SEL1L3: variants seen among roughly 807,000 people sequenced by gnomAD.
SEL1L3 encodes protein sel-1 homolog 3.
SEL1L3 carries 76 observed loss-of-function variants against 142.8 expected under a neutral mutation model. That is an observed-to-expected ratio of 0.53 (90% CI 0.44 to 0.64). The LOEUF (loss-of-function observed/expected upper bound fraction) is 0.64, where lower values mean the gene tolerates loss of function less well. Among genes scored for constraint, SEL1L3 ranks in the 30% least tolerant of loss-of-function variants. The pLI is 0.00. For missense variants in SEL1L3, 1,262 were observed against 1,381.7 expected (o/e 0.91, Z 1.37); for synonymous variants, 504 against 519.6 (o/e 0.97, Z 0.41).
intron 17 of SEL1L3, among the ~76,000 whole-genome samples, chr4:25,769,693 C>A (rs565292306): frequency 2.0e-5 from 3 of 152,316 alleles, no homozygotes; most frequent in Non-Finnish European, 2.9e-5. Flanking sequence ...CTGGCCTGCA[C>A]TGGTGTCTCA....
In SEL1L3 at chr4:25,788,338, C is replaced by T; in HGVS notation, c.2103G>A (p.Trp701Ter). ...GATTCTTGGCCACACCTTGCTGCCC[C>T]CAGAACAGCATCTGGGCCAATCGTT... ...AQQRLAQMLF[W>*]GQQGVAKNPE... Residue 701 changes from tryptophan to a stop codon, truncating the protein, a stop_gained, in exon 13 of 24, where the codon TGG becomes TGA. Coordinates refer to ENST00000399878, the MANE Select transcript of SEL1L3 (RefSeq NM_015187.5). LOFTEE classifies it high-confidence loss of function. This position sits in a 1 kb window ranked among gnomAD's most constrained non-coding sequence, Gnocchi z 5.3. The T allele has an allele frequency of 6.2e-7, 1 of 1,613,908 alleles. No individual in the cohort carries two copies. Among genetic ancestry groups the T allele is most frequent in the Non-Finnish European group, 8.5e-7 (1 of 1,179,854 alleles).
rs544087665 is a variant in SEL1L3 at position 25,844,195 on chromosome 4, T to C, written c.733+3099A>G. Among the ~76,000 whole-genome samples the C allele has an allele frequency of 2.1e-4, 32 of 152,278 alleles. 1 individual carries two copies. The highest frequency in any genetic ancestry group is 1.2e-3 in the East Asian group (6 of 5,182). On this transcript the variant is annotated intron_variant, in intron 2 of 23. Coordinates refer to ENST00000399878, the MANE Select transcript of SEL1L3 (RefSeq NM_015187.5). ...TGATTCTTGTTCATCAAGAAGCCCC[T>C]GCTAAGAACAAACCAGAGGCTTGGC...
At chr4:25,806,661 C>G (rs1713598687) in intron 9 of SEL1L3, among the ~76,000 whole-genome samples, 1 of 152,150 alleles carries the variant, frequency 6.6e-6, no homozygotes, top group Non-Finnish European at 1.5e-5. Flanking sequence ...GCCACCACCT[C>G]CACCAGCTCT....
chr4:25,802,675 A>T (rs1713265465), intron 10 of SEL1L3, among the ~76,000 whole-genome samples: 1 of 151,960 alleles, frequency 6.6e-6, no homozygotes, highest in Non-Finnish European at 1.5e-5. Context: ...TCCGCCTCCC[A>T]GGTTCAAGTG....
At chr4:25,857,509 C>T (rs1452171348) in intron 1 of SEL1L3, among the ~76,000 whole-genome samples, 2 of 152,184 alleles carry the variant, frequency 1.3e-5, no homozygotes, top group East Asian at 3.8e-4. Flanking sequence ...TAACCTCCAC[C>T]TCTCACATGG....
At chr4:25,763,599 G>T (rs2109131840) in intron 20 of SEL1L3, among the ~76,000 whole-genome samples, 1 of 152,296 alleles carries the variant, frequency 6.6e-6, no homozygotes, top group East Asian at 1.9e-4. Flanking sequence ...TGTAATCCCA[G>T]CACCTTGGGA....
intron 20 of SEL1L3, among the ~76,000 whole-genome samples, chr4:25,764,441 A>G (rs1485142828): frequency 2.0e-5 from 3 of 152,254 alleles, no homozygotes; most frequent in African/African-American, 7.2e-5. Context: ...TGTGAACATT[A>G]GGGGAAGCTG....
the SEL1L3 span, among the ~76,000 whole-genome samples, chr4:25,727,611 T>C: frequency 1.3e-5 from 2 of 152,238 alleles, no homozygotes; most frequent in Non-Finnish European, 2.9e-5. Flanking sequence ...GGGCTTGTCC[T>C]GGCTGCCTTT....
At chr4:25,792,341 T>G (rs1712400190) in intron 11 of SEL1L3, among the ~76,000 whole-genome samples, 1 of 152,238 alleles carries the variant, frequency 6.6e-6, no homozygotes, top group African/African-American at 2.4e-5. Flanking sequence ...CTTGCCAGGT[T>G]GGCTTGACTC....
chr4:25,751,511 C>T lies in SEL1L3; in HGVS notation c.3260-2947G>A, dbSNP rs139967613. Among the ~76,000 whole-genome samples, 840 of 151,962 alleles carry T rather than the reference C, an allele frequency of 5.5e-3. 12 individuals are homozygous for T. The highest frequency in any genetic ancestry group is 0.019 in the African/African-American group (792 of 41,444). Reference sequence around the variant, plus strand: ...GGTGACTATCTGAGTGACCCTAGGACCACCCAGACCCAGGGACCTTTCCAC... The same window carrying T: ...GGTGACTATCTGAGTGACCCTAGGATCACCCAGACCCAGGGACCTTTCCAC... On this transcript the variant is annotated intron_variant, in intron 23 of 23. Coordinates refer to ENST00000399878, the MANE Select transcript of SEL1L3 (RefSeq NM_015187.5).
At chr4:25,820,154 G>C (rs73115761) in intron 7 of SEL1L3, among the ~76,000 whole-genome samples, 1,566 of 152,266 alleles carry the variant, frequency 0.01, 26 homozygotes, top group African/African-American at 0.035. Context: ...GCTTCTCTTT[G>C]TGTCCAGCTT....
intron 1 of SEL1L3, among the ~76,000 whole-genome samples, chr4:25,855,869 CCTT>C (rs1717222770): frequency 6.6e-6 from 1 of 152,166 alleles, no homozygotes; most frequent in Non-Finnish European, 1.5e-5. Context: ...GTCCCCACTG[CCTT>C]CTTCTTATAC....
chr4:25,847,812 G>T lies in SEL1L3; in HGVS notation c.215C>A (p.Pro72His), dbSNP rs141957859. Residue 72 changes from proline to histidine, a missense_variant, in exon 2 of 24, where the codon CCC becomes CAC. This residue lies in a region of SEL1L3 where 689 missense variants were observed against 692.8 expected (regional missense o/e 0.99). Coordinates refer to ENST00000399878, the MANE Select transcript of SEL1L3 (RefSeq NM_015187.5). ...RQTSLTTSVI[P>H]KAEQSVAYKD... Reference sequence around the variant, plus strand: ...GTAAGCCACGCTCTGCTCAGCTTTGGGTATCACTGATGTCGTCAGGGAAGT... The same window carrying T: ...GTAAGCCACGCTCTGCTCAGCTTTGTGTATCACTGATGTCGTCAGGGAAGT... The T allele has an allele frequency of 1.4e-4, 222 of 1,607,916 alleles. 2 individuals are homozygous for T. In the East Asian group the frequency reaches 4.9e-3, roughly 35 times the overall value.
At chr4:25,851,096 C>G (rs1196562283) in intron 1 of SEL1L3, among the ~76,000 whole-genome samples, 1 of 152,138 alleles carries the variant, frequency 6.6e-6, no homozygotes, top group Non-Finnish European at 1.5e-5. Flanking sequence ...AGTAATCCAC[C>G]CACTTCAGCC....
chr4:25,862,845 C>T lies in SEL1L3; in HGVS notation c.-9G>A, dbSNP rs1295145985. On this transcript the variant is annotated 5_prime_UTR_variant, in exon 1 of 24. Transcript: ENST00000399878. ...GCGCCGCGCCGCTGCATGGCGAGGC[C>T]GCCCGGATCCGGGCCGGAACAGGTC... 5.4e-6 allele frequency: 6 copies of T among 1,104,546 alleles called. No individual in the cohort carries two copies. The African/African-American group carries it at 8.4e-5, about 15-fold the overall frequency. The allele number at this position is 1,104,546 out of a possible 1,614,324, so 68.4% of individuals were successfully genotyped here.
chr4:25,760,038 C>A (rs2109125458), intron 20 of SEL1L3: 1 of 152,248 alleles, frequency 6.6e-6, no homozygotes, highest in South Asian at 2.1e-4. Flanking sequence ...GGTACTAAGC[C>A]TAGTACATAT....
the SEL1L3 span, among the ~76,000 whole-genome samples, chr4:25,739,738 G>A: frequency 6.7e-6 from 1 of 150,090 alleles, no homozygotes; most frequent in Middle Eastern, 3.4e-3. Context: ...AAACCCATGT[G>A]TGTATTCTGA....
At chr4:25,714,250 C>G in the SEL1L3 span, among the ~76,000 whole-genome samples, 1 of 152,082 alleles carries the variant, frequency 6.6e-6, no homozygotes, top group African/African-American at 2.4e-5. Context: ...TCATATACTC[C>G]AAAGTACCTT....
At chr4:25,843,422 T>C (rs539767736) in intron 2 of SEL1L3, among the ~76,000 whole-genome samples, 3 of 152,222 alleles carry the variant, frequency 2.0e-5, no homozygotes, top group South Asian at 2.1e-4. Context: ...ATGTGACACA[T>C]ACAGCCAGCA....
Sources: gnomAD v4.1 joint callset for allele counts (sites outside exome capture counted in the v4.1 genomes callset) on GRCh38, gnomAD v4.1.1 for gene constraint, gnomAD v4.1.1 regional missense constraint, Gnocchi (gnomAD v3.1) non-coding constraint, MANE v1.5 for transcripts, NCBI Gene and HGNC (gene_info 2026-07-23, HGNC 2026-07-21) for gene names.